Variants in ANKMY1 observed in about 807,000 individuals in gnomAD.
ANKMY1 encodes ankyrin repeat and MYND domain containing 1, also known as ankyrin repeat and MYND domain-containing protein 1.
A neutral mutation model predicts 102.0 loss-of-function variants in ANKMY1; 98 were observed. The ratio of observed to expected loss-of-function variants is 0.96; its 90% CI spans 0.82 to 1.14. ANKMY1 has a LOEUF of 1.14. Ranked by LOEUF, ANKMY1 falls within the 50% of genes most tolerant of loss-of-function variation. The pLI, the probability that ANKMY1 is intolerant of heterozygous loss-of-function variation, is 0.00. For missense variants in ANKMY1, 1,330 were observed against 1,347.6 expected, an observed-to-expected ratio of 0.99 and a Z score of 0.20; for synonymous variants, 582 against 559.9, an observed-to-expected ratio of 1.04 and a Z score of -0.56.
At position 240,509,574 on chromosome 2, in the gene ANKMY1, A is replaced by T; in HGVS notation, c.2287-119T>A. The T allele has an allele frequency of 7.1e-6, 5 of 705,206 alleles. No individual in the cohort carries two copies. In the South Asian group the frequency reaches 7.9e-5, roughly 11 times the overall value. The allele number at this position is 705,206 out of a possible 1,614,324, so 43.7% of individuals were successfully genotyped here. A position where few individuals can be genotyped will look rare whatever the true frequency, so the allele number is the denominator to read the frequency against. Reference sequence around the variant, plus strand: ...AGTCACTCAACGGCTACTTCCTGCCAACCATTACCTTGCCTGACACAAGGT... The same window carrying T: ...AGTCACTCAACGGCTACTTCCTGCCTACCATTACCTTGCCTGACACAAGGT... On this transcript the variant is annotated intron_variant, in intron 11 of 17. Coordinates refer to ENST00000401804, the MANE Select transcript of ANKMY1 (RefSeq NM_001282771.3).
At chr2:240,509,199 G>A (rs2079638558) in intron 12 of ANKMY1, 149 bp downstream of exon 12, 1 of 625,030 alleles carries the variant, frequency 1.6e-6, no homozygotes. Flanking sequence ...ATAGATGGGT[G>A]GGTGAGTGGA....
rs773307154 is a variant in ANKMY1, at chr2:240,552,969, T to C, written c.425A>G (p.Tyr142Cys). The change falls in exon 4 of 18, where the codon TAC becomes TGC. Residue 142 changes from tyrosine to cysteine, a missense_variant. Tyr to Cys is a radical substitution (Grantham distance 194, BLOSUM62 -2). Transcript: ENST00000401804. ...PDGSSFTGTF[Y>C]LSHREGYGTM... is the part of the protein sequence containing the mutation. The stretch of plus-strand genomic sequence containing the variant: ...GCCGTAGCCTTCTCGGTGGCTGAGG[T>C]AAAATGTGCCCGTGAAACTGGAGCC... 4 of 1,613,884 alleles carry C rather than the reference T, an allele frequency of 2.5e-6. No individual in the cohort carries two copies. The highest frequency in any genetic ancestry group is 3.4e-6 in the Non-Finnish European group (4 of 1,179,976).
chr2:240,477,625 A>C (rs1260288551), downstream of ANKMY1, among the ~76,000 whole-genome samples: 1 of 152,032 alleles, frequency 6.6e-6, no homozygotes, highest in Non-Finnish European at 1.5e-5. Context: ...GGGCTCAAGC[A>C]ATCCGCCTGC....
chr2:240,547,092 A>G lies in ANKMY1; in HGVS notation c.480+5822T>C, dbSNP rs1056496153. ...AGCACCACACCACACCTATTCCAAA[A>G]TTGACCACATACTTGGAAGTAAAGC... On this transcript the variant is annotated intron_variant, in intron 4 of 17. Transcript: ENST00000401804. Among the ~76,000 whole-genome samples the G allele has an allele frequency of 3.3e-5, 5 of 152,198 alleles. No homozygotes were observed. The South Asian group carries it at 8.3e-4, about 25-fold the overall frequency.
intron 13 of ANKMY1, 142 bp from the exon 14 acceptor site, chr2:240,500,707 A>AACGGGGAGAGGGAGATGGAG: frequency 1.5e-6 from 1 of 653,560 alleles, no homozygotes. Context: ...CCATGAGACA[A>AACGGGGAGAGGGAGATGGAG]ACGGGGAGAG....
chr2:240,495,572 T>C (rs10933608), intron 15 of ANKMY1, among the ~76,000 whole-genome samples: 43,953 of 150,350 alleles, frequency 0.29, 6,541 homozygotes, highest in Non-Finnish European at 0.32. Flanking sequence ...CCAGTGGACA[T>C]GTAACCCATG....
chr2:240,500,683 G>C (rs2078029007), intron 13 of ANKMY1, 118 bp from the exon 14 acceptor site: 1 of 800,240 alleles, frequency 1.2e-6, no homozygotes. Flanking sequence ...CGCCCTTGCA[G>C]TGTGCGGGAA....
chr2:240,482,201 T>G lies in ANKMY1; in HGVS notation c.2867A>C (p.Asp956Ala). Residue 956 changes from aspartate to alanine, a missense_variant, in exon 16 of 18, where the codon GAT (aspartate) becomes GCT (alanine). Asp to Ala is a moderately radical substitution (Grantham distance 126, BLOSUM62 -2). Transcript: ENST00000401804. ...CACTTACTGCCCCTGCTCCTTCACATCCAGGCCCCTGGGCAGGCTGGGGCC... is the reference window on the plus strand; with the variant it reads ...CACTTACTGCCCCTGCTCCTTCACAGCCAGGCCCCTGGGCAGGCTGGGGCC... Reference protein sequence around the residue: ...KKGPSLPRGLDVKEQGQIPFF... With the variant: ...KKGPSLPRGLAVKEQGQIPFF... The G allele has an allele frequency of 6.2e-7, 1 of 1,612,474 alleles. No individual in the cohort carries two copies. Among genetic ancestry groups the G allele is most frequent in the Non-Finnish European group, 8.5e-7 (1 of 1,179,242 alleles).
intron 7 of ANKMY1, 88 bp from the exon 8 acceptor site, chr2:240,524,469 T>C: frequency 1.4e-6 from 2 of 1,446,448 alleles, no homozygotes; most frequent in South Asian, 1.4e-5. Flanking sequence ...CCAATGCCCG[T>C]GGCCTAGAGC....
upstream of ANKMY1, chr2:240,559,995 T>G (rs886868272): frequency 2.0e-5 from 3 of 152,398 alleles, no homozygotes; most frequent in Non-Finnish European, 4.4e-5. Flanking sequence ...GATATTAAAT[T>G]TTTTAAAGTT....
intron 15 of ANKMY1, among the ~76,000 whole-genome samples, chr2:240,498,412 C>T (rs1026937805): frequency 8.2e-5 from 12 of 146,306 alleles, no homozygotes; most frequent in Admixed American, 1.4e-4. Context: ...GGGTGGGATG[C>T]GGGGAAGCAG....
At position 240,523,649 on chromosome 2, in the gene ANKMY1, G is replaced by A. The variant is rs112401252; in HGVS notation, c.1832+236C>T. 1.6e-4 allele frequency: 101 copies of A among 644,902 alleles called. 1 individual carries two copies. The highest frequency in any genetic ancestry group is 8.6e-4 in the Middle Eastern group (2 of 2,318). The allele number at this position is 644,902 out of a possible 1,614,324, so 39.9% of individuals were successfully genotyped here. A position where few individuals can be genotyped will look rare whatever the true frequency, so the allele number is the denominator to read the frequency against. On this transcript the variant is annotated intron_variant, in intron 8 of 17. Transcript: ENST00000401804. ...GCTGGCGTGGTACTGAAAACAGCCC[G>A]TCACCGTGGCACCCCCACAGGGCTG...
At chr2:240,492,149 C>A (rs1015297110) in intron 15 of ANKMY1, among the ~76,000 whole-genome samples, 1 of 152,128 alleles carries the variant, frequency 6.6e-6, no homozygotes, top group Non-Finnish European at 1.5e-5. Flanking sequence ...CATGCCATGA[C>A]ACCCAGCTAA....
At position 240,499,814 on chromosome 2, in the gene ANKMY1, A is replaced by G. The variant is rs2077853089; in HGVS notation, c.2806+144T>C. 9.2e-7 allele frequency: 1 copy of G among 1,084,264 alleles called. No individual in the cohort carries two copies. The highest frequency in any genetic ancestry group is 1.3e-6 in the Non-Finnish European group (1 of 779,988). 67.2% of individuals were successfully genotyped at this position (1,084,264 alleles called of 1,614,324 possible). On this transcript the variant is annotated intron_variant, in intron 15 of 17. Transcript: ENST00000401804. The surrounding 1 kb of genome is among the most constrained non-coding windows in gnomAD (Gnocchi z 4.2). Reference sequence around the variant, plus strand: ...GGACGAGCTCCTTGGACGACGGGACACAAAGGGGACAAGCCGACGAGCCCA... The same window carrying G: ...GGACGAGCTCCTTGGACGACGGGACGCAAAGGGGACAAGCCGACGAGCCCA...
chr2:240,547,999 C>T (rs1366016289), intron 4 of ANKMY1, among the ~76,000 whole-genome samples: 1 of 152,222 alleles, frequency 6.6e-6, no homozygotes, highest in African/African-American at 2.4e-5. Context: ...GGGAATCCTC[C>T]CTAACTCATT....
intron 15 of ANKMY1, among the ~76,000 whole-genome samples, chr2:240,490,278 T>C (rs1258451907): frequency 6.6e-6 from 1 of 152,200 alleles, no homozygotes; most frequent in African/African-American, 2.4e-5. Flanking sequence ...CATTTAGTTC[T>C]GCTCTGATCT....
At chr2:240,468,836 G>C in the ANKMY1 span, among the ~76,000 whole-genome samples, 1 of 152,222 alleles carries the variant, frequency 6.6e-6, no homozygotes, top group African/African-American at 2.4e-5. Context: ...ACCCAGCCCT[G>C]CTGAACTCCA....
intron 13 of ANKMY1, 32 bp downstream of exon 13, chr2:240,507,528 C>T: frequency 6.3e-7 from 1 of 1,580,416 alleles, no homozygotes; most frequent in Non-Finnish European, 8.6e-7. Context: ...CAAACCCCCT[C>T]ACCAGGGCCA....
At chr2:240,512,136 T>C (rs2080322877) in intron 10 of ANKMY1, 135 bp from the exon 11 acceptor site, 7 of 1,117,414 alleles carry the variant, frequency 6.3e-6, no homozygotes, top group Non-Finnish European at 8.4e-6. Flanking sequence ...TGAAGGCGGA[T>C]GCCTGACTTT....
Sources: allele counts gnomAD v4.1 joint callset (sites outside exome capture counted in the v4.1 genomes callset), GRCh38; gene constraint gnomAD v4.1.1; non-coding constraint Gnocchi (gnomAD v3.1); transcripts MANE v1.5; gene names NCBI Gene and HGNC (gene_info 2026-07-23, HGNC 2026-07-21).